Variants in MMP26 observed in about 807,000 individuals in gnomAD.
MMP26 encodes the protein matrix metalloproteinase-26.
MMP26 carries 33 observed loss-of-function variants against 31.0 expected under a neutral mutation model. The observed-to-expected ratio is 1.06, with a 90% CI of 0.81 to 1.42. The LOEUF (loss-of-function observed/expected upper bound fraction) is 1.42, where lower values mean the gene tolerates loss of function less well. Among genes scored for constraint, MMP26 ranks in the 40% most tolerant of loss-of-function variants. The probability of loss-of-function intolerance (pLI) is 0.00; values close to 1 mark genes in which losing one functional copy is unlikely to be tolerated. For synonymous variants in MMP26, 122 were observed against 114.9 expected (o/e 1.06, Z -0.40); for missense variants, 347 against 316.1 (o/e 1.10, Z -0.74).
chr11:4,758,946 T>C (rs888269887), intron 1 of MMP26, among the ~76,000 whole-genome samples: 2 of 151,736 alleles, frequency 1.3e-5, no homozygotes, highest in Non-Finnish European at 2.9e-5. Context: ...ACCCCGTCTC[T>C]GCTAGAAATA....
At chr11:4,767,881 G>C (rs964802028) in intron 2 of MMP26, among the ~76,000 whole-genome samples, 1 of 152,012 alleles carries the variant, frequency 6.6e-6, no homozygotes, top group Non-Finnish European at 1.5e-5. Context: ...ATTTTATTCT[G>C]CCATTATATG....
intron 2 of MMP26, among the ~76,000 whole-genome samples, chr11:4,953,022 C>A: frequency 8.1e-6 from 1 of 124,216 alleles, no homozygotes; most frequent in African/African-American, 2.7e-5. Context: ...AATGAAAAGG[C>A]TAAAGTGGTT....
chr11:4,899,886 GA>G (rs1850775180), intron 2 of MMP26, among the ~76,000 whole-genome samples: 1 of 152,124 alleles, frequency 6.6e-6, no homozygotes, highest in Admixed American at 6.5e-5. Flanking sequence ...ATAAATTGCA[GA>G]AATAGGAAAC....
chr11:4,793,678 AT>A (rs2133444768), intron 2 of MMP26: 1 of 152,342 alleles, frequency 6.6e-6, no homozygotes, highest in African/African-American at 2.4e-5. Context: ...CTTAAATAAA[AT>A]TTAATAACAG....
intron 1 of MMP26, among the ~76,000 whole-genome samples, chr11:4,760,871 G>A (rs937525997): frequency 2.6e-5 from 4 of 152,200 alleles, no homozygotes; most frequent in Non-Finnish European, 4.4e-5. Flanking sequence ...AAGTAATAGT[G>A]AGTGTGTGCC....
chr11:4,894,038 T>A (rs1419217225), intron 2 of MMP26, among the ~76,000 whole-genome samples: 1 of 152,212 alleles, frequency 6.6e-6, no homozygotes, highest in African/African-American at 2.4e-5. Flanking sequence ...CATACAATTA[T>A]TAAGATTGCT....
At chr11:4,895,368 C>T (rs866090587) in intron 2 of MMP26, among the ~76,000 whole-genome samples, 3 of 152,140 alleles carry the variant, frequency 2.0e-5, no homozygotes, top group Non-Finnish European at 4.4e-5. Context: ...CTGAAGCCCC[C>T]ACCTCTGATT....
At chr11:4,991,322 T>C in intron 5 of MMP26, 49 bp from the exon 6 acceptor site, 1 of 1,583,558 alleles carries the variant, frequency 6.3e-7, no homozygotes, top group Middle Eastern at 1.7e-4. Context: ...ATTCTGGCCT[T>C]TGTTTCTACC....
At chr11:4,833,239 A>T (rs1460130826) in intron 2 of MMP26, among the ~76,000 whole-genome samples, 1 of 152,204 alleles carries the variant, frequency 6.6e-6, no homozygotes, top group African/African-American at 2.4e-5. Context: ...AATATACCAC[A>T]GCTTTTCTAC....
chr11:4,886,233 T>C (rs760401329), intron 2 of MMP26, among the ~76,000 whole-genome samples: 2 of 152,120 alleles, frequency 1.3e-5, no homozygotes, highest in Admixed American at 6.6e-5. Flanking sequence ...TAACTGTTGG[T>C]CTCCTTGTGT....
At chr11:4,750,170 C>G (rs1022727413) in intron 1 of MMP26, among the ~76,000 whole-genome samples, 1 of 152,024 alleles carries the variant, frequency 6.6e-6, no homozygotes, top group Non-Finnish European at 1.5e-5. Flanking sequence ...GGCCAACAAG[C>G]TTATGAAAAT....
chr11:4,885,864 C>T (rs1457036954), intron 2 of MMP26, among the ~76,000 whole-genome samples: 1 of 152,010 alleles, frequency 6.6e-6, no homozygotes, highest in Non-Finnish European at 1.5e-5. Flanking sequence ...CAAAATAGGC[C>T]TGTTGCCATT....
At chr11:4,891,556 A>G (rs1309185858) in intron 2 of MMP26, among the ~76,000 whole-genome samples, 3 of 152,206 alleles carry the variant, frequency 2.0e-5, no homozygotes, top group Admixed American at 1.3e-4. Flanking sequence ...CTGAGCTTCT[A>G]AAGCTGTTTT....
At chr11:4,820,883 A>G (rs1849487045) in intron 2 of MMP26, among the ~76,000 whole-genome samples, 1 of 150,450 alleles carries the variant, frequency 6.6e-6, no homozygotes, top group African/African-American at 2.4e-5. Context: ...ATCAATATTT[A>G]TTTTTCTTAG....
intron 2 of MMP26, among the ~76,000 whole-genome samples, chr11:4,830,481 A>G (rs1391562268): frequency 1.3e-5 from 2 of 152,192 alleles, no homozygotes; most frequent in Non-Finnish European, 2.9e-5. Flanking sequence ...ACAGTTGAAT[A>G]CAACAATGTT....
At chr11:4,756,480 A>T (rs1848505383) in intron 1 of MMP26, among the ~76,000 whole-genome samples, 1 of 152,130 alleles carries the variant, frequency 6.6e-6, no homozygotes, top group Non-Finnish European at 1.5e-5. Flanking sequence ...TGACTTAAAT[A>T]AGTTTTTTTT....
intron 1 of MMP26, chr11:4,710,302 C>T (rs1478326121): frequency 2.2e-6 from 1 of 456,610 alleles, no homozygotes; most frequent in African/African-American, 2.0e-5. Context: ...ACCTGTGTCT[C>T]TCACATCAGT....
rs1354766663 is a variant in MMP26 at position 4,705,026 on chromosome 11, C to T, written c.-236C>T. On this transcript the variant is annotated 5_prime_UTR_variant, in exon 1 of 8. Transcript: ENST00000380390. ...GATCAAATAACCTCACCTTCCAGAC[C>T]CAAGAATTCTGTGCACAAGGTCAGT... 1 of 152,100 alleles carries T rather than the reference C, an allele frequency of 6.6e-6. No individual in the cohort carries two copies. Among genetic ancestry groups the T allele is most frequent in the Non-Finnish European group, 1.5e-5 (1 of 68,038 alleles). The allele number at this position is 152,100 out of a possible 1,614,324, so 9.4% of individuals were successfully genotyped here.
chr11:4,711,389 T>A (rs1370422082), intron 1 of MMP26: 1 of 152,236 alleles, frequency 6.6e-6, no homozygotes, highest in Non-Finnish European at 1.5e-5. Flanking sequence ...ACAGCTTATA[T>A]TTGATAGCTG....
Sources: gnomAD v4.1 joint callset for allele counts (sites outside exome capture counted in the v4.1 genomes callset) on GRCh38, gnomAD v4.1.1 for gene constraint, MANE v1.5 for transcripts, NCBI Gene and HGNC (gene_info 2026-07-23, HGNC 2026-07-21) for gene names.